Variants in ZCCHC2 observed in about 807,000 individuals in gnomAD.
ZCCHC2 encodes the protein zinc finger CCHC-type containing 2.
In ZCCHC2, 39 loss-of-function variants were observed where a neutral mutation model predicts 103.6. That is an observed-to-expected ratio of 0.38 (90% CI 0.29 to 0.49). The LOEUF (loss-of-function observed/expected upper bound fraction) is 0.49, where lower values mean the gene tolerates loss of function less well. ZCCHC2 is among the 20% of genes least tolerant of loss of function. The probability of loss-of-function intolerance (pLI) is 0.96; values close to 1 mark genes in which losing one functional copy is unlikely to be tolerated. For missense variants in ZCCHC2, 1,483 were observed against 1,491.0 expected, an observed-to-expected ratio of 0.99 and a Z score of 0.09; for synonymous variants, 687 against 608.9, an observed-to-expected ratio of 1.13 and a Z score of -1.89.
At chr18:62,571,524 T>C (rs1916599947) in intron 12 of ZCCHC2, among the ~76,000 whole-genome samples, 1 of 152,208 alleles carries the variant, frequency 6.6e-6, no homozygotes, top group Non-Finnish European at 1.5e-5. Flanking sequence ...TATTTGACAG[T>C]TTTTGCTAGG....
At chr18:62,532,049 G>A (rs970564833) in intron 1 of ZCCHC2, among the ~76,000 whole-genome samples, 14 of 152,186 alleles carry the variant, frequency 9.2e-5, no homozygotes, top group Admixed American at 1.3e-4. Context: ...GTTATAATGA[G>A]GGCCTTGAAG....
intron 5 of ZCCHC2, among the ~76,000 whole-genome samples, chr18:62,553,467 T>G (rs963989776): frequency 1.3e-5 from 2 of 151,078 alleles, no homozygotes; most frequent in African/African-American, 4.9e-5. Flanking sequence ...TTTTATTAAT[T>G]TTTTTTTTGA....
Position 62,524,059 on chromosome 18 carries a change from G to C in ZCCHC2, c.635G>C (p.Gly212Ala). 6.8e-7 allele frequency: 1 copy of C among 1,481,138 alleles called. No homozygotes were observed. Among genetic ancestry groups the C allele is most frequent in the East Asian group, 2.7e-5 (1 of 37,288 alleles). 91.7% of individuals were successfully genotyped at this position (1,481,138 alleles called of 1,614,324 possible). A position where few individuals can be genotyped will look rare whatever the true frequency, so the allele number is the denominator to read the frequency against. ...AGCCTGCGCGCGGCCCGGGGCGAGG[G>C]CTCGCGGGGCGGCGCGGAGGACGAG... ...LKSLRAARGE[G>A]SRGGAEDERG... Residue 212 changes from glycine to alanine, a missense_variant, in exon 1 of 14, where the codon GGC becomes GCC. By Grantham distance (60) the Gly-to-Ala change is moderately conservative. This residue lies in a region of ZCCHC2 where 568 missense variants were observed against 525.1 expected (regional missense o/e 1.08). Transcript: ENST00000269499.
In ZCCHC2 at chr18:62,569,810, T is replaced by C. The variant is rs539153743; in HGVS notation, c.1847-293T>C. 1.1e-4 allele frequency among the ~76,000 whole-genome samples: 17 copies of C among 152,240 alleles called. No individual in the cohort carries two copies. In the South Asian group the frequency reaches 3.1e-3, roughly 28 times the overall value. On this transcript the variant is annotated intron_variant, in intron 11 of 13. Transcript: ENST00000269499. ...CTCTTAAGAGTTAAAATATCTAGACTTAGAAAGTAGCTCAAAGTGATATTA... is the reference window on the plus strand; with the variant it reads ...CTCTTAAGAGTTAAAATATCTAGACCTAGAAAGTAGCTCAAAGTGATATTA...
chr18:62,555,012 C>T (rs561640666), intron 5 of ZCCHC2, among the ~76,000 whole-genome samples: 3 of 152,144 alleles, frequency 2.0e-5, no homozygotes, highest in South Asian at 2.1e-4. Context: ...ATTTAAAATG[C>T]GCATTAAAAG....
At chr18:62,547,909 T>A (rs915113286) in intron 4 of ZCCHC2, among the ~76,000 whole-genome samples, 3 of 152,168 alleles carry the variant, frequency 2.0e-5, no homozygotes, top group African/African-American at 7.2e-5. Context: ...TTTCTCATGA[T>A]CAGAATGTCT....
intron 1 of ZCCHC2, among the ~76,000 whole-genome samples, chr18:62,529,214 C>T (rs1042042508): frequency 1.3e-5 from 2 of 150,256 alleles, no homozygotes; most frequent in Non-Finnish European, 3.0e-5. Context: ...TTCTAATGCT[C>T]ACTGGTAATA....
In ZCCHC2 at chr18:62,556,280, A is replaced by T; in HGVS notation, c.1391A>T (p.Asp464Val). ...VHSFFQSISS[D>V]SLHSINNLQS... Reference sequence around the variant, plus strand: ...AGCTTCTTTCAGTCCATATCATCAGACTCCCTACACAGTATCAGTAAGCAT... The same window carrying T: ...AGCTTCTTTCAGTCCATATCATCAGTCTCCCTACACAGTATCAGTAAGCAT... The change falls in exon 6 of 14, where the codon GAC (aspartate) becomes GTC (valine). Residue 464 changes from aspartate (D) to valine (V), a missense_variant. Asp to Val is a radical substitution (Grantham distance 152). Coordinates refer to ENST00000269499, the MANE Select transcript of ZCCHC2 (RefSeq NM_017742.6). 1 of 1,601,366 alleles carries T rather than the reference A, an allele frequency of 6.2e-7. No individual in the cohort carries two copies. The highest frequency in any genetic ancestry group is 8.5e-7 in the Non-Finnish European group (1 of 1,173,680).
intron 11 of ZCCHC2, among the ~76,000 whole-genome samples, chr18:62,567,892 C>T (rs1916433575): frequency 7.2e-6 from 1 of 139,280 alleles, no homozygotes; most frequent in South Asian, 2.3e-4. Context: ...TTACAGTGAG[C>T]CGAGATTGCA....
At chr18:62,552,317 G>A (rs1044828280) in intron 5 of ZCCHC2, 2 of 152,178 alleles carry the variant, frequency 1.3e-5, no homozygotes, top group South Asian at 2.1e-4. Flanking sequence ...GACAACAGGT[G>A]TCTTTGATAT....
chr18:62,540,067 G>A (rs1165442487), intron 2 of ZCCHC2, among the ~76,000 whole-genome samples: 2 of 152,116 alleles, frequency 1.3e-5, no homozygotes, highest in Admixed American at 6.5e-5. Flanking sequence ...GCATGCTTCT[G>A]GGGGGCAGAG....
intron 2 of ZCCHC2, among the ~76,000 whole-genome samples, chr18:62,540,777 T>C (rs1017183873): frequency 6.6e-6 from 1 of 152,352 alleles, no homozygotes; most frequent in Non-Finnish European, 1.5e-5. Context: ...TATTCCTACT[T>C]CTTAAAAAGT....
At chr18:62,561,951 A>C (rs997320852) in intron 8 of ZCCHC2, among the ~76,000 whole-genome samples, 5 of 151,844 alleles carry the variant, frequency 3.3e-5, no homozygotes, top group Non-Finnish European at 2.9e-5. Context: ...CAAGACTCCA[A>C]ATCCTTGTAT....
chr18:62,556,204 C>A lies in ZCCHC2; in HGVS notation c.1315C>A (p.Gln439Lys), dbSNP rs1317007397. The change falls in exon 6 of 14, where the codon CAG (glutamine) becomes AAG (lysine). Residue 439 changes from glutamine (Q) to lysine (K), a missense_variant and splice_region_variant. Around this residue, in one of 3 missense-constraint regions of ZCCHC2, gnomAD observed 884 missense variants for 907.5 expected, o/e 0.97. Transcript: ENST00000269499. ...AATCTCTTTTCTTTTTATGTGCAGGCAGCTATTTTCAAGTTCATCACAAGC... is the reference window on the plus strand; with the variant it reads ...AATCTCTTTTCTTTTTATGTGCAGGAAGCTATTTTCAAGTTCATCACAAGC... Reference protein sequence around the residue: ...RHPDLEPILRQLFSSSSQAFL... With the variant: ...RHPDLEPILRKLFSSSSQAFL... 1.3e-6 allele frequency: 2 copies of A among 1,594,484 alleles called. No homozygotes were observed. The highest frequency in any genetic ancestry group is 1.3e-5 in the African/African-American group (1 of 74,558).
intron 1 of ZCCHC2, among the ~76,000 whole-genome samples, chr18:62,536,175 T>G (rs963403638): frequency 2.0e-5 from 3 of 152,202 alleles, no homozygotes; most frequent in African/African-American, 4.8e-5. Flanking sequence ...GTGTGATCTG[T>G]GGCAAAACCA....
chr18:62,539,619 A>C, intron 1 of ZCCHC2, 62 bp from the exon 2 acceptor site: 1 of 1,431,746 alleles, frequency 7.0e-7, no homozygotes, highest in Non-Finnish European at 9.6e-7. Context: ...GAAGACCTAA[A>C]TCTGTGATTA....
At chr18:62,539,546 A>G (rs773428719) in intron 1 of ZCCHC2, 135 bp from the exon 2 acceptor site, 3 of 607,142 alleles carry the variant, frequency 4.9e-6, no homozygotes, top group Non-Finnish European at 8.7e-6. Context: ...CTTTGTGCCC[A>G]TAGTGTGCAG....
intron 2 of ZCCHC2, among the ~76,000 whole-genome samples, chr18:62,540,851 C>T (rs1030648922): frequency 6.6e-6 from 1 of 152,116 alleles, no homozygotes; most frequent in Non-Finnish European, 1.5e-5. Context: ...GGCCATTCCT[C>T]ATCACATACT....
chr18:62,556,290 C>G lies in ZCCHC2; in HGVS notation c.1401C>G (p.His467Gln). 1 of 1,596,392 alleles carries G rather than the reference C, an allele frequency of 6.3e-7. No homozygotes were observed. The highest frequency in any genetic ancestry group is 1.3e-5 in the African/African-American group (1 of 74,754). Reference protein sequence around the residue: ...FFQSISSDSLHSINNLQSSLK... With the variant: ...FFQSISSDSLQSINNLQSSLK... The stretch of plus-strand genomic sequence containing the variant: ...AGTCCATATCATCAGACTCCCTACA[C>G]AGTATCAGTAAGCATCCTCTGTCCC... The change falls in exon 6 of 14, where the codon CAC becomes CAG. Residue 467 changes from histidine (H) to glutamine (Q), a missense_variant. This residue lies in a region of ZCCHC2 where 884 missense variants were observed against 907.5 expected (regional missense o/e 0.97). Transcript: ENST00000269499.
Sources: allele counts gnomAD v4.1 joint callset (sites outside exome capture counted in the v4.1 genomes callset), GRCh38; gene constraint gnomAD v4.1.1; regional missense constraint gnomAD v4.1.1; transcripts MANE v1.5; gene names NCBI Gene and HGNC (gene_info 2026-07-23, HGNC 2026-07-21).